Variants in PARD3 observed in about 807,000 individuals in gnomAD.
PARD3 encodes the protein par-3 family cell polarity regulator.
PARD3 carries 75 observed loss-of-function variants against 155.4 expected under a neutral mutation model. The observed-to-expected ratio is 0.48, with a 90% confidence interval of 0.40 to 0.58. PARD3 has a LOEUF of 0.58. Ranked by LOEUF, PARD3 falls within the 20% of genes least tolerant of loss-of-function variation. The probability of loss-of-function intolerance (pLI) is 0.00; values close to 1 mark genes in which losing one functional copy is unlikely to be tolerated. For synonymous variants in PARD3, 576 were observed against 610.5 expected, an observed-to-expected ratio of 0.94 and a Z score of 0.83; for missense variants, 1,642 against 1,721.7, an observed-to-expected ratio of 0.95 and a Z score of 0.82.
chr10:34,548,325 C>T (rs545046155), intron 2 of PARD3, among the ~76,000 whole-genome samples: 1 of 152,008 alleles, frequency 6.6e-6, no homozygotes, highest in South Asian at 2.1e-4. Context: ...CCTAACTCTA[C>T]TAAAAACACA....
At chr10:34,386,634 C>T (rs1231450455) in intron 7 of PARD3, among the ~76,000 whole-genome samples, 1 of 151,926 alleles carries the variant, frequency 6.6e-6, no homozygotes, top group Non-Finnish European at 1.5e-5. Context: ...ACCAGACTGA[C>T]CAATATGGAG....
intron 2 of PARD3, among the ~76,000 whole-genome samples, chr10:34,619,463 T>C (rs2091480676): frequency 6.6e-6 from 1 of 152,234 alleles, no homozygotes. Flanking sequence ...TTTATTGGCA[T>C]TCAAATATTT....
At chr10:34,579,185 G>A (rs1197334203) in intron 2 of PARD3, among the ~76,000 whole-genome samples, 1 of 151,624 alleles carries the variant, frequency 6.6e-6, no homozygotes, top group Non-Finnish European at 1.5e-5. Context: ...CAGGAGAATC[G>A]CTTTAACCCA....
At chr10:34,176,766 A>G (rs1950049375) in intron 22 of PARD3, among the ~76,000 whole-genome samples, 1 of 152,248 alleles carries the variant, frequency 6.6e-6, no homozygotes, top group Non-Finnish European at 1.5e-5. Context: ...TATAGCTTGC[A>G]AAGGAGTAAG....
chr10:34,346,423 T>TGA, intron 15 of PARD3: 1 of 1,347,444 alleles, frequency 7.4e-7, no homozygotes, highest in South Asian at 1.2e-5. Flanking sequence ...ACCAATGGTC[T>TGA]GATTCAGTAT....
intron 11 of PARD3, among the ~76,000 whole-genome samples, chr10:34,374,425 T>C (rs1267628016): frequency 6.6e-6 from 1 of 152,218 alleles, no homozygotes; most frequent in African/African-American, 2.4e-5. Context: ...TAAAAAGGTA[T>C]TCCTTTTCAT....
intron 22 of PARD3, among the ~76,000 whole-genome samples, chr10:34,179,174 A>ACGTGCGTG (rs1950164673): frequency 1.2e-5 from 1 of 86,138 alleles, no homozygotes; most frequent in Non-Finnish European, 2.6e-5. Context: ...GCGCGCACAC[A>ACGTGCGTG]CACACACACA....
At chr10:34,559,765 G>A (rs537981822) in intron 2 of PARD3, among the ~76,000 whole-genome samples, 2 of 149,082 alleles carry the variant, frequency 1.3e-5, no homozygotes, top group African/African-American at 4.9e-5. Context: ...CCAGGACAGC[G>A]ATATAATTTG....
chr10:34,767,600 CTGTTTGTT>C (rs138190666), intron 1 of PARD3, among the ~76,000 whole-genome samples: 2 of 151,218 alleles, frequency 1.3e-5, no homozygotes, highest in South Asian at 2.1e-4. Context: ...GTTTCTTTGT[CTGTTTGTT>C]TGTTTTTTGA....
chr10:34,276,116 G>A (rs192723905), intron 21 of PARD3, among the ~76,000 whole-genome samples: 1 of 152,032 alleles, frequency 6.6e-6, no homozygotes, highest in East Asian at 1.9e-4. Flanking sequence ...CATTTATACT[G>A]TTTCCTATCC....
intron 4 of PARD3, among the ~76,000 whole-genome samples, chr10:34,463,629 G>C (rs1204261786): frequency 6.6e-6 from 1 of 152,018 alleles, no homozygotes; most frequent in Non-Finnish European, 1.5e-5. Context: ...GAAGTGAAAT[G>C]TCACAAACCC....
intron 1 of PARD3, among the ~76,000 whole-genome samples, chr10:34,698,297 C>T (rs2094210996): frequency 6.6e-6 from 1 of 152,154 alleles, no homozygotes; most frequent in Admixed American, 6.5e-5. Context: ...ACTTTCTCAA[C>T]CTCATAACTT....
At chr10:34,717,608 C>T (rs556889765) in intron 1 of PARD3, among the ~76,000 whole-genome samples, 132 of 152,210 alleles carry the variant, frequency 8.7e-4, no homozygotes, top group African/African-American at 2.8e-3. Flanking sequence ...CACGGTCCCA[C>T]GCAGATTACT....
At chr10:34,153,957 G>A (rs56796932) in intron 22 of PARD3, among the ~76,000 whole-genome samples, 13,004 of 152,114 alleles carry the variant, frequency 0.085, 1,497 homozygotes, top group East Asian at 0.27. Flanking sequence ...CCCTCACTCC[G>A]GCCTTTTAGA....
chr10:34,507,813 G>C (rs2081179617), intron 3 of PARD3, among the ~76,000 whole-genome samples: 1 of 152,100 alleles, frequency 6.6e-6, no homozygotes, highest in Admixed American at 6.5e-5. Flanking sequence ...AAACTGGATG[G>C]GTTTTATATG....
intron 5 of PARD3, among the ~76,000 whole-genome samples, chr10:34,412,632 C>T (rs770556252): frequency 2.6e-5 from 4 of 152,112 alleles, no homozygotes; most frequent in African/African-American, 4.8e-5. Context: ...GCTGGGAAAT[C>T]GTTTCATTAG....
chr10:34,314,476 G>A (rs147867906), intron 20 of PARD3, among the ~76,000 whole-genome samples: 31 of 152,318 alleles, frequency 2.0e-4, no homozygotes, highest in African/African-American at 5.1e-4. Context: ...AAGGGCTGGC[G>A]CAGTGGTTTG....
chr10:34,409,094 T>C lies in PARD3; in HGVS notation c.715-7177A>G, dbSNP rs572688859. 5.3e-5 allele frequency among the ~76,000 whole-genome samples: 8 copies of C among 152,278 alleles called. No homozygotes were observed. The South Asian group carries it at 1.7e-3, about 32-fold the overall frequency. The stretch of plus-strand genomic sequence containing the variant: ...TCCTACTATTCTTATCTCAAGCTAG[T>C]ACTGATCAAATGTAGTATTTAACAC... On this transcript the variant is annotated intron_variant, in intron 5 of 24. Coordinates refer to ENST00000374788, the MANE Select transcript of PARD3 (RefSeq NM_001184785.2).
chr10:34,482,032 C>CTTTTTTTTTTT lies in PARD3; in HGVS notation c.404-11780_404-11770dup, dbSNP rs58877037. On this transcript the variant is annotated intron_variant, in intron 3 of 24. Transcript: ENST00000374788. ...ACCACTGTGCCCTGCTAATTTTTAT[C>CTTTTTTTTTTT]TTTTTTTTTTTTTTTTTTTTGAAGC... is the stretch of plus-strand genomic sequence containing the variant. Among the ~76,000 whole-genome samples the CTTTTTTTTTTT allele has an allele frequency of 8.8e-4, 89 of 101,576 alleles. 5 individuals are homozygous for CTTTTTTTTTTT. Among genetic ancestry groups the CTTTTTTTTTTT allele is most frequent in the African/African-American group, 4.3e-3 (88 of 20,436 alleles). 66.6% of individuals were successfully genotyped at this position (101,576 alleles called of 152,430 possible). A position where few individuals can be genotyped will look rare whatever the true frequency, so the allele number is the denominator to read the frequency against.
Sources: allele counts gnomAD v4.1 joint callset (sites outside exome capture counted in the v4.1 genomes callset), GRCh38; gene constraint gnomAD v4.1.1; transcripts MANE v1.5; gene names NCBI Gene and HGNC (gene_info 2026-07-23, HGNC 2026-07-21).